Variants in NPAS3 observed in about 807,000 individuals in gnomAD.
NPAS3 encodes neuronal PAS domain protein 3.
In NPAS3, 14 loss-of-function variants were observed where a neutral mutation model predicts 73.1. The observed-to-expected ratio is 0.19, with a 90% CI of 0.13 to 0.30. The LOEUF is 0.30. Ranked by LOEUF, NPAS3 falls within the 10% of genes least tolerant of loss-of-function variation. The probability of loss-of-function intolerance (pLI) is 1.00; values close to 1 mark genes in which losing one functional copy is unlikely to be tolerated. For missense variants in NPAS3, 1,096 were observed against 1,250.0 expected (o/e 0.88, Z 1.86); for synonymous variants, 620 against 541.5 (o/e 1.14, Z -2.01).
intron 8 of NPAS3, among the ~76,000 whole-genome samples, chr14:33,774,814 T>G (rs193265446): frequency 6.6e-6 from 1 of 152,176 alleles, no homozygotes; most frequent in East Asian, 1.9e-4. Flanking sequence ...AGAGCAGGGC[T>G]TAGATGCCAT....
exon 12 of NPAS3, chr14:33,801,094 G>A (rs1321554682): frequency 1.9e-6 from 3 of 1,587,288 alleles, no homozygotes; most frequent in African/African-American, 1.3e-5. Context: ...AGACTCTGGA[G>A]CGCAAGGAGG....
chr14:33,799,795 G>A (rs778073653), exon 12 of NPAS3: 27 of 1,611,880 alleles, frequency 1.7e-5, no homozygotes, highest in East Asian at 2.2e-5. Context: ...GCGAAGACCC[G>A]GAGCCCGACC....
chr14:33,597,899 A>T lies in NPAS3; in HGVS notation c.558+37689A>T, dbSNP rs76008272. Among the ~76,000 whole-genome samples the T allele has an allele frequency of 0.013, 2,018 of 152,270 alleles. 106 individuals carry two copies. The East Asian group carries it at 0.19, about 15-fold the overall frequency. On this transcript the variant is annotated intron_variant, in intron 5 of 11. Transcript: ENST00000356141. Reference sequence around the variant, plus strand: ...TACTGTCTTCAAGTTTTATTTTTTTAAAAAGCCTATCTGAAAATTCATAGA... The same window carrying T: ...TACTGTCTTCAAGTTTTATTTTTTTTAAAAGCCTATCTGAAAATTCATAGA...
chr14:32,997,124 G>A (rs1471633744), intron 1 of NPAS3, among the ~76,000 whole-genome samples: 1 of 152,186 alleles, frequency 6.6e-6, no homozygotes, highest in Non-Finnish European at 1.5e-5. Flanking sequence ...AGATTTGACT[G>A]CCCTGCTGGA....
chr14:33,759,688 T>A (rs1237201740), intron 7 of NPAS3, among the ~76,000 whole-genome samples: 1 of 152,214 alleles, frequency 6.6e-6, no homozygotes, highest in East Asian at 1.9e-4. Context: ...GCAGGCTGCG[T>A]AGTCTTTATA....
At chr14:33,588,598 C>T (rs556152083) in intron 5 of NPAS3, among the ~76,000 whole-genome samples, 1 of 152,258 alleles carries the variant, frequency 6.6e-6, no homozygotes, top group African/African-American at 2.4e-5. Context: ...CTTCCTAATT[C>T]AGTTTTATCA....
chr14:33,102,777 T>G (rs1166008513), intron 2 of NPAS3, among the ~76,000 whole-genome samples: 1 of 152,184 alleles, frequency 6.6e-6, no homozygotes, highest in East Asian at 1.9e-4. Context: ...TGTCATGCAC[T>G]TACAGATTTT....
chr14:33,280,194 G>A (rs1333720117), intron 3 of NPAS3, among the ~76,000 whole-genome samples: 5 of 151,934 alleles, frequency 3.3e-5, no homozygotes, highest in Non-Finnish European at 7.4e-5. Flanking sequence ...TTATTCCAGT[G>A]TAATTATAAA....
intron 3 of NPAS3, among the ~76,000 whole-genome samples, chr14:33,265,517 A>G (rs1305216490): frequency 1.3e-5 from 2 of 151,688 alleles, no homozygotes; most frequent in Non-Finnish European, 2.9e-5. Flanking sequence ...TTTTCATTTT[A>G]TAACAGCAAA....
chr14:33,471,663 C>T (rs1304526026), intron 4 of NPAS3, among the ~76,000 whole-genome samples: 5 of 152,072 alleles, frequency 3.3e-5, no homozygotes, highest in East Asian at 1.9e-4. Flanking sequence ...AAGAAATCAA[C>T]GAGGTAGGTA....
intron 4 of NPAS3, among the ~76,000 whole-genome samples, chr14:33,470,934 A>T (rs866043978): frequency 5.2e-5 from 3 of 58,050 alleles, no homozygotes; most frequent in African/African-American, 4.0e-4. Flanking sequence ...GAGCATATTT[A>T]AAAAAAAAAA....
chr14:33,392,576 A>C (rs1452924349), intron 4 of NPAS3, among the ~76,000 whole-genome samples: 1 of 152,152 alleles, frequency 6.6e-6, no homozygotes, highest in Non-Finnish European at 1.5e-5. Context: ...ATAAGACTTG[A>C]ATTAATATTA....
intron 7 of NPAS3, among the ~76,000 whole-genome samples, chr14:33,747,306 G>T (rs1330689662): frequency 6.6e-6 from 1 of 152,100 alleles, no homozygotes; most frequent in East Asian, 1.9e-4. Flanking sequence ...GATGAAATTG[G>T]AAATCATCAT....
chr14:33,083,126 T>C (rs138007156), intron 2 of NPAS3, among the ~76,000 whole-genome samples: 186 of 128,716 alleles, frequency 1.4e-3, no homozygotes, highest in African/African-American at 5.3e-3. Flanking sequence ...GAGGTTGCAG[T>C]GAGCCGTGAT....
Position 33,776,521 on chromosome 14 carries a change from TAAAAAAAAAAAAAAAAAAAAAAAAA to T in NPAS3, c.1047-1929_1047-1905del, listed in dbSNP as rs552348267. Among the ~76,000 whole-genome samples the T allele has an allele frequency of 4.7e-4, 15 of 32,060 alleles. No individual in the cohort carries two copies. In the South Asian group the frequency reaches 4.9e-3, roughly 10 times the overall value. 21.0% of individuals were successfully genotyped at this position (32,060 alleles called of 152,430 possible). A position where few individuals can be genotyped will look rare whatever the true frequency, so the allele number is the denominator to read the frequency against. On this transcript the variant is annotated intron_variant, in intron 8 of 11. Transcript: ENST00000356141. ...CTGCTTTTGGCGTTTTTCTTCCTCTTAAAAAAAAAAAAAAAAAAAAAAAAAAAAAAAAAAAAAAAAGCTTTTCACA... is the reference window on the plus strand; with the variant it reads ...CTGCTTTTGGCGTTTTTCTTCCTCTTAAAAAAAAAAAAAAAGCTTTTCACA...
chr14:33,227,383 T>A (rs1319258713), intron 3 of NPAS3, among the ~76,000 whole-genome samples: 6 of 152,190 alleles, frequency 3.9e-5, no homozygotes, highest in Non-Finnish European at 7.3e-5. Flanking sequence ...ATACTTTTAC[T>A]GAGATTAGAA....
At chr14:33,019,645 G>T (rs2039522271) in intron 1 of NPAS3, among the ~76,000 whole-genome samples, 1 of 152,172 alleles carries the variant, frequency 6.6e-6, no homozygotes, top group African/African-American at 2.4e-5. Flanking sequence ...TAGGTAACTT[G>T]CATTATGACT....
At chr14:32,934,839 C>T, upstream of NPAS3, 1 of 482,026 alleles carries the variant, frequency 2.1e-6, no homozygotes, top group Non-Finnish European at 2.7e-6. This position sits in a 1 kb window ranked among gnomAD's most constrained non-coding sequence, Gnocchi z 4.1. Context: ...GGGCCGAAGC[C>T]GCGGCGATGA....
chr14:33,355,281 T>C (rs1280267193), intron 3 of NPAS3, among the ~76,000 whole-genome samples: 2 of 152,170 alleles, frequency 1.3e-5, no homozygotes, highest in Non-Finnish European at 2.9e-5. Context: ...ATGCTCCTTT[T>C]CCTGCAGTCC....
Sources: allele counts gnomAD v4.1 joint callset (sites outside exome capture counted in the v4.1 genomes callset), GRCh38; gene constraint gnomAD v4.1.1; non-coding constraint Gnocchi (gnomAD v3.1); transcripts MANE v1.5; gene names NCBI Gene and HGNC (gene_info 2026-07-23, HGNC 2026-07-21).